The following ATF7 variants were observed in gnomAD, a reference collection of about 807,000 sequenced individuals.
ATF7 encodes activating transcription factor 7.
In ATF7, 10 loss-of-function variants were observed where a neutral mutation model predicts 50.4. The ratio of observed to expected loss-of-function variants is 0.20; its 90% CI spans 0.12 to 0.34. The LOEUF (loss-of-function observed/expected upper bound fraction) is 0.34. ATF7 is among the 10% of genes least tolerant of loss of function. The pLI is 1.00. For missense variants in ATF7, 465 were observed against 613.9 expected (o/e 0.76, Z 2.56); for synonymous variants, 201 against 226.4 (o/e 0.89, Z 1.01).
intron 2 of ATF7, among the ~76,000 whole-genome samples, chr12:53,591,367 G>A (rs1424204262): frequency 6.6e-6 from 1 of 152,146 alleles, no homozygotes; most frequent in Non-Finnish European, 1.5e-5. Context: ...CAGGAAAGAA[G>A]CTTGAGGAAG....
At position 53,527,096 on chromosome 12, in the gene ATF7, T is replaced by C. The variant is rs1374869446; in HGVS notation, c.928-2335A>G. Among the ~76,000 whole-genome samples, 2 of 151,214 alleles carry C rather than the reference T, an allele frequency of 1.3e-5. 1 individual carries two copies. The highest frequency in any genetic ancestry group is 6.3e-3 in the Middle Eastern group (2 of 316). On this transcript the variant is annotated intron_variant, in intron 9 of 11. Transcript: ENST00000420353. Reference sequence around the variant, plus strand: ...ATCGGTTGAACCTGGGAGGTGGAGGTTGCAGTGAGCCGAGATTGCGCCACT... The same window carrying C: ...ATCGGTTGAACCTGGGAGGTGGAGGCTGCAGTGAGCCGAGATTGCGCCACT...
chr12:53,526,123 T>C (rs1231953620), intron 9 of ATF7, among the ~76,000 whole-genome samples: 1 of 151,740 alleles, frequency 6.6e-6, no homozygotes, highest in African/African-American at 2.4e-5. Flanking sequence ...GGCAGGAGAA[T>C]TGCTTGAACC....
intron 2 of ATF7, among the ~76,000 whole-genome samples, chr12:53,572,744 C>T (rs1332970123): frequency 6.6e-5 from 10 of 151,114 alleles, no homozygotes; most frequent in Non-Finnish European, 1.5e-5. Context: ...CCCAGGAGTT[C>T]GAGACTAGCC....
At position 53,512,402 on chromosome 12, in the gene ATF7, T is replaced by A. The variant is rs990244292; in HGVS notation, c.*4735A>T. The A allele has an allele frequency of 6.6e-6, 1 of 152,242 alleles. No individual in the cohort carries two copies. The highest frequency in any genetic ancestry group is 1.5e-5 in the Non-Finnish European group (1 of 68,052). The allele number at this position is 152,242 out of a possible 1,614,324, so 9.4% of individuals were successfully genotyped here. The stretch of plus-strand genomic sequence containing the variant: ...ACCCAGACCGAGTTGAGTTCCTTGA[T>A]AAGATGGAGAGGTGTTGCTACATGT... On this transcript the variant is annotated 3_prime_UTR_variant, in exon 12 of 12. Transcript: ENST00000420353.
chr12:53,564,101 T>A (rs893231703), intron 2 of ATF7, among the ~76,000 whole-genome samples: 1 of 152,208 alleles, frequency 6.6e-6, no homozygotes, highest in Non-Finnish European at 1.5e-5. Flanking sequence ...TGAGGCCAGA[T>A]ACAGTGGCTT....
intron 2 of ATF7, among the ~76,000 whole-genome samples, chr12:53,558,082 C>T (rs1418886261): frequency 2.0e-5 from 3 of 152,206 alleles, no homozygotes; most frequent in Non-Finnish European, 2.9e-5. Flanking sequence ...CAAGATCCCA[C>T]GGGAATTTTA....
chr12:53,567,079 T>G (rs1013368871), intron 2 of ATF7, among the ~76,000 whole-genome samples: 1 of 152,216 alleles, frequency 6.6e-6, no homozygotes, highest in Admixed American at 6.5e-5. Flanking sequence ...AAGCTACTGT[T>G]AGGTATTTGC....
At chr12:53,614,847 A>G (rs2137904797) in intron 1 of ATF7, among the ~76,000 whole-genome samples, 1 of 152,228 alleles carries the variant, frequency 6.6e-6, no homozygotes, top group East Asian at 1.9e-4. Context: ...TTGGGAGGCC[A>G]AGGCAGGCGG....
At chr12:53,562,329 C>A (rs766645498) in intron 2 of ATF7, among the ~76,000 whole-genome samples, 2 of 152,118 alleles carry the variant, frequency 1.3e-5, no homozygotes, top group South Asian at 2.1e-4. Context: ...TACAAAGCAA[C>A]CCCAACCTAC....
intron 1 of ATF7, among the ~76,000 whole-genome samples, chr12:53,615,897 GATA>G (rs1269753099): frequency 3.3e-5 from 5 of 151,972 alleles, no homozygotes; most frequent in Non-Finnish European, 1.5e-5. Context: ...TAAAAATAAT[GATA>G]ATAATAATGA....
At chr12:53,612,257 T>C (rs1943911972) in intron 1 of ATF7, among the ~76,000 whole-genome samples, 1 of 151,562 alleles carries the variant, frequency 6.6e-6, no homozygotes, top group African/African-American at 2.4e-5. Flanking sequence ...ATTACAGGCA[T>C]GAGCCACCGT....
chr12:53,549,087 C>T (rs1276987579), intron 3 of ATF7, among the ~76,000 whole-genome samples: 5 of 152,014 alleles, frequency 3.3e-5, no homozygotes, highest in African/African-American at 1.2e-4. Flanking sequence ...GAGATCGAGA[C>T]CATCCTGGCT....
chr12:53,511,765 T>C (rs1211517813), downstream of ATF7, among the ~76,000 whole-genome samples: 1 of 152,178 alleles, frequency 6.6e-6, no homozygotes, highest in African/African-American at 2.4e-5. Flanking sequence ...ATAAAGCACA[T>C]ACTAAGTTTC....
intron 1 of ATF7, among the ~76,000 whole-genome samples, chr12:53,624,947 T>C (rs571934479): frequency 6.6e-6 from 1 of 152,172 alleles, no homozygotes; most frequent in African/African-American, 2.4e-5. Flanking sequence ...AAGACTGATA[T>C]CGCTACAAGA....
Position 53,552,540 on chromosome 12 carries a change from C to T in ATF7, c.145+1G>A. ...CACGTGGCTTTTGGGGCAGCAAATACCTGCAATGATGACTGAGTCAGTTCG... is the reference window on the plus strand; with the variant it reads ...CACGTGGCTTTTGGGGCAGCAAATATCTGCAATGATGACTGAGTCAGTTCG... On this transcript the variant is annotated splice_donor_variant, in intron 3 of 11. Transcript: ENST00000420353. LOFTEE classifies it high-confidence loss of function. 6.2e-7 allele frequency: 1 copy of T among 1,612,930 alleles called. No homozygotes were observed. The highest frequency in any genetic ancestry group is 8.5e-7 in the Non-Finnish European group (1 of 1,178,996).
In ATF7 at chr12:53,552,625, C is replaced by T. The variant is rs759982875; in HGVS notation, c.61G>A (p.Glu21Lys). The T allele has an allele frequency of 3.1e-6, 5 of 1,613,366 alleles. No individual in the cohort carries two copies. The highest frequency in any genetic ancestry group is 1.1e-5 in the South Asian group (1 of 91,068). The part of the protein sequence containing the change: ...APGCGQRFTN[E>K]DHLAVHKHKH... ...TGTTTATGAACTGCCAGGTGGTCCT[C>T]GTTTGTAAATCTCTGAAACGAAACA... is the stretch of plus-strand genomic sequence containing the variant. The change falls in exon 3 of 12, where the codon GAG becomes AAG. Residue 21 changes from glutamate (E) to lysine (K), a missense_variant. Transcript: ENST00000420353.
Position 53,553,510 on chromosome 12 carries a change from T to C in ATF7, c.49-873A>G, listed in dbSNP as rs534344345. ...AAGTGGGCTAACTCTATCCAGTTTATGATTAAGTAAAATAGGGTTACTGGA... is the reference window on the plus strand; with the variant it reads ...AAGTGGGCTAACTCTATCCAGTTTACGATTAAGTAAAATAGGGTTACTGGA... On this transcript the variant is annotated intron_variant, in intron 2 of 11. Coordinates refer to ENST00000420353, the MANE Select transcript of ATF7 (RefSeq NM_006856.3). Among the ~76,000 whole-genome samples the C allele has an allele frequency of 3.3e-5, 5 of 152,308 alleles. No homozygotes were observed. In the South Asian group the frequency reaches 1.0e-3, roughly 32 times the overall value.
intron 3 of ATF7, among the ~76,000 whole-genome samples, chr12:53,547,147 G>A (rs1019056001): frequency 1.3e-5 from 2 of 150,920 alleles, no homozygotes; most frequent in Non-Finnish European, 3.0e-5. Context: ...ACCATGCCTG[G>A]CTAATTTTTT....
At chr12:53,577,808 G>A (rs1045790397) in intron 2 of ATF7, among the ~76,000 whole-genome samples, 17 of 150,732 alleles carry the variant, frequency 1.1e-4, no homozygotes, top group African/African-American at 3.9e-4. Context: ...AACTAAAAAT[G>A]TCCCCCCAAA....
Sources: allele counts gnomAD v4.1 joint callset (sites outside exome capture counted in the v4.1 genomes callset), GRCh38; gene constraint gnomAD v4.1.1; transcripts MANE v1.5; gene names NCBI Gene and HGNC (gene_info 2026-07-23, HGNC 2026-07-21).